NEB: variants seen among roughly 807,000 people sequenced by gnomAD.
The protein encoded by NEB is nemaline myopathy type 2.
NEB carries 512 observed loss-of-function variants against 952.2 expected under a neutral mutation model. That is an observed-to-expected ratio of 0.54 (90% CI 0.50 to 0.58). The LOEUF (loss-of-function observed/expected upper bound fraction) is 0.58. Among genes scored for constraint, NEB ranks in the 20% least tolerant of loss-of-function variants. The pLI, the probability that NEB is intolerant of heterozygous loss-of-function variation, is 0.00. For synonymous variants in NEB, 2,900 were observed against 3,149.8 expected (o/e 0.92, Z 2.66); for missense variants, 8,428 against 9,231.1 (o/e 0.91, Z 3.56).
chr2:151,641,160 A>T (rs1390140427), intron 60 of NEB, among the ~76,000 whole-genome samples: 1 of 152,198 alleles, frequency 6.6e-6, no homozygotes, highest in South Asian at 2.1e-4. Context: ...ACAGAAAAAA[A>T]AGAAAAATTA....
chr2:151,610,214 T>C (rs58909595), intron 80 of NEB, 94 bp from the exon 81 acceptor site: 303,788 of 1,068,302 alleles, frequency 0.28, 46,064 homozygotes, highest in Admixed American at 0.4. Flanking sequence ...CAAGATTTTA[T>C]ATTACAAACA....
At chr2:151,702,788 T>C (rs1176648953) in intron 13 of NEB, among the ~76,000 whole-genome samples, 6 of 152,236 alleles carry the variant, frequency 3.9e-5, no homozygotes, top group Non-Finnish European at 1.5e-5. Flanking sequence ...GTTTCCTGAA[T>C]ACAGCACACT....
intron 1 of NEB, among the ~76,000 whole-genome samples, chr2:151,734,080 T>A (rs1171196199): frequency 6.6e-6 from 1 of 152,132 alleles, no homozygotes; most frequent in Non-Finnish European, 1.5e-5. Flanking sequence ...ACAGGATAAA[T>A]ATAGGAACGT....
Position 151,520,039 on chromosome 2 carries a change from C to CA in NEB, c.22480-272dup, listed in dbSNP as rs5835369. 674 of 158,980 alleles carry CA rather than the reference C, an allele frequency of 4.2e-3. 2 individuals are homozygous for CA. Among genetic ancestry groups the CA allele is most frequent in the Middle Eastern group, 7.4e-3 (3 of 406 alleles). 9.8% of individuals were successfully genotyped at this position (158,980 alleles called of 1,614,324 possible). On this transcript the variant is annotated intron_variant, in intron 153 of 181. Coordinates refer to ENST00000397345, the MANE Select transcript of NEB (RefSeq NM_001164508.2). The stretch of plus-strand genomic sequence containing the variant: ...GTAATCACCTCTTTCTAATGCAAAA[C>CA]AAAAAAAAAAAAAAATGGAAAAGGC...
chr2:151,569,454 T>C lies in NEB; in HGVS notation c.17431-82A>G. 4.7e-6 allele frequency: 5 copies of C among 1,058,714 alleles called. No individual in the cohort carries two copies. In the South Asian group the frequency reaches 5.1e-5, roughly 11 times the overall value. 65.6% of individuals were successfully genotyped at this position (1,058,714 alleles called of 1,614,324 possible). A position where few individuals can be genotyped will look rare whatever the true frequency, so the allele number is the denominator to read the frequency against. On this transcript the variant is annotated intron_variant, in intron 109 of 181. Coordinates refer to ENST00000397345, the MANE Select transcript of NEB (RefSeq NM_001164508.2). ...CCTATCCATTGGTCTCATGAAGAAA[T>C]ACAATGTAAATGCTATATAAGCCAA...
At chr2:151,533,572 A>C in intron 142 of NEB, 26 bp from the exon 143 acceptor site, 3 of 1,440,216 alleles carry the variant, frequency 2.1e-6, no homozygotes, top group Non-Finnish European at 2.9e-6. Flanking sequence ...GCAGTGAAGC[A>C]CAAAAGAGAC....
chr2:151,493,908 A>G (rs769772950), intron 174 of NEB, 41 bp from the exon 175 acceptor site: 2 of 1,307,408 alleles, frequency 1.5e-6, no homozygotes, highest in South Asian at 1.4e-5. Flanking sequence ...ACTACGAGGT[A>G]ATAATCACTA....
chr2:151,528,209 T>C (rs974884454), intron 146 of NEB, among the ~76,000 whole-genome samples: 2 of 152,162 alleles, frequency 1.3e-5, no homozygotes, highest in African/African-American at 4.8e-5. Flanking sequence ...CTGGCTGCAT[T>C]GGGCCAAATC....
intron 65 of NEB, 47 bp downstream of exon 65, chr2:151,633,607 T>G: frequency 6.4e-7 from 1 of 1,556,856 alleles, no homozygotes; most frequent in South Asian, 1.2e-5. Context: ...TTTCACATAG[T>G]TTAAATTATT....
In NEB at chr2:151,553,812, TAA is replaced by T. The variant is rs537345128; in HGVS notation, c.19626+14_19626+15del. On this transcript the variant is annotated intron_variant, in intron 126 of 181. Transcript: ENST00000397345. ...GGCGGGGCCGTGGAGGGGTACTTCT[TAA>T]GTCACAGGCTTACATCGCTGATCTG... 8.3e-5 allele frequency: 132 copies of T among 1,595,536 alleles called. No homozygotes were observed. The highest frequency in any genetic ancestry group is 9.3e-5 in the Non-Finnish European group (109 of 1,169,072).
At chr2:151,643,375 T>G in intron 57 of NEB, 22 bp from the exon 58 acceptor site, 1 of 1,568,752 alleles carries the variant, frequency 6.4e-7, no homozygotes, top group Non-Finnish European at 8.7e-7. Context: ...AGTGACAAAT[T>G]TGTCATAATT....
chr2:151,691,015 A>T (rs1264525389), intron 23 of NEB, among the ~76,000 whole-genome samples, 190 bp from the exon 24 acceptor site: 1 of 151,682 alleles, frequency 6.6e-6, no homozygotes, highest in Non-Finnish European at 1.5e-5. Flanking sequence ...CCACTTCCCA[A>T]GTTGCCTCTG....
At chr2:151,551,189 G>A (rs1455601804) in intron 129 of NEB, among the ~76,000 whole-genome samples, 11 of 151,498 alleles carry the variant, frequency 7.3e-5, no homozygotes, top group Admixed American at 6.6e-4. Context: ...GGCTGGTCTC[G>A]AACTCCTGAC....
chr2:151,508,622 C>T (rs1021945787), intron 161 of NEB, among the ~76,000 whole-genome samples: 5 of 152,218 alleles, frequency 3.3e-5, no homozygotes, highest in East Asian at 1.9e-4. Flanking sequence ...AGGACTGAGC[C>T]GGCAGTCAGA....
At chr2:151,486,615 G>A (rs1449531216) in intron 181 of NEB, 2 of 152,260 alleles carry the variant, frequency 1.3e-5, no homozygotes, top group African/African-American at 4.8e-5. Context: ...CCCACCAACT[G>A]ATGAATGCAT....
intron 46 of NEB, among the ~76,000 whole-genome samples, chr2:151,660,624 T>C (rs1371097082): frequency 6.6e-6 from 1 of 152,214 alleles, no homozygotes; most frequent in African/African-American, 2.4e-5. Context: ...GCAAACTTTT[T>C]CTGTATAGAC....
intron 81 of NEB, 49 bp downstream of exon 81, chr2:151,609,760 C>G (rs750007272): frequency 2.0e-5 from 30 of 1,521,928 alleles, no homozygotes; most frequent in Non-Finnish European, 2.7e-5. Context: ...GGGCAATGAA[C>G]AAATCTACAT....
chr2:151,501,359 A>G (rs1441107507), intron 168 of NEB, 32 bp downstream of exon 168: 42 of 1,326,928 alleles, frequency 3.2e-5, no homozygotes, highest in Non-Finnish European at 4.2e-5. Context: ...ATTATTTTTT[A>G]ATATGGAGTT....
intron 71 of NEB, among the ~76,000 whole-genome samples, chr2:151,623,220 C>T (rs142510696): frequency 2.7e-4 from 41 of 152,268 alleles, no homozygotes; most frequent in African/African-American, 9.4e-4. Context: ...CCCCTTTCCT[C>T]TTTTAAGAGG....
Sources: gnomAD v4.1 joint callset for allele counts (sites outside exome capture counted in the v4.1 genomes callset) on GRCh38, gnomAD v4.1.1 for gene constraint, MANE v1.5 for transcripts, NCBI Gene and HGNC (gene_info 2026-07-23, HGNC 2026-07-21) for gene names.